The following TUSC3 variants were observed in gnomAD, a reference collection of about 807,000 sequenced individuals.
The protein encoded by TUSC3 is tumor suppressor candidate 3.
Under a neutral mutation model 44.8 loss-of-function variants are expected in TUSC3, and 45 were observed. The ratio of observed to expected loss-of-function variants is 1.00; its 90% confidence interval spans 0.79 to 1.29. The LOEUF (loss-of-function observed/expected upper bound fraction) is 1.29. Ranked by LOEUF, TUSC3 falls within the 50% of genes most tolerant of loss-of-function variation. The pLI, the probability that TUSC3 is intolerant of heterozygous loss-of-function variation, is 0.00. For synonymous variants in TUSC3, 212 were observed against 152.9 expected, an observed-to-expected ratio of 1.39 and a Z score of -2.85; for missense variants, 519 against 437.9, an observed-to-expected ratio of 1.19 and a Z score of -1.65.
At chr8:15,815,259 G>T in the TUSC3 span, among the ~76,000 whole-genome samples, 1 of 152,174 alleles carries the variant, frequency 6.6e-6, no homozygotes, top group Admixed American at 6.5e-5. Context: ...AGATCGAAGG[G>T]AATTCTAATG....
chr8:15,755,088 A>G (rs1368466456), intron 9 of TUSC3, among the ~76,000 whole-genome samples: 2 of 152,058 alleles, frequency 1.3e-5, no homozygotes, highest in Non-Finnish European at 2.9e-5. Flanking sequence ...TTACGTATGA[A>G]TCTGTCTCAT....
intron 6 of TUSC3, among the ~76,000 whole-genome samples, chr8:15,719,249 C>T (rs1360749042): frequency 6.6e-6 from 1 of 152,016 alleles, no homozygotes; most frequent in Non-Finnish European, 1.5e-5. Context: ...ATGTTTCTAT[C>T]TTAAGGCCTT....
chr8:15,440,476 A>G (rs1469090695), intron 1 of TUSC3, among the ~76,000 whole-genome samples: 1 of 152,176 alleles, frequency 6.6e-6, no homozygotes, highest in African/African-American at 2.4e-5. Flanking sequence ...AACAGAACTA[A>G]TTTTTATTGT....
the TUSC3 span, among the ~76,000 whole-genome samples, chr8:15,824,640 G>A: frequency 1.3e-5 from 2 of 152,206 alleles, no homozygotes; most frequent in South Asian, 2.1e-4. Context: ...GATAGCATTA[G>A]GAGATATACC....
At chr8:15,706,276 C>G (rs1218631248) in intron 6 of TUSC3, among the ~76,000 whole-genome samples, 1 of 150,354 alleles carries the variant, frequency 6.7e-6, no homozygotes, top group Non-Finnish European at 1.5e-5. Context: ...AGTGTTAATT[C>G]TTTGTATTTA....
At chr8:15,687,002 G>A (rs1808660724) in intron 6 of TUSC3, among the ~76,000 whole-genome samples, 1 of 152,180 alleles carries the variant, frequency 6.6e-6, no homozygotes, top group African/African-American at 2.4e-5. Flanking sequence ...GAACCCGGGA[G>A]GCGGAGCTTG....
chr8:15,818,648 G>A, the TUSC3 span, among the ~76,000 whole-genome samples: 14 of 152,282 alleles, frequency 9.2e-5, no homozygotes, highest in Non-Finnish European at 1.5e-5. Context: ...TGGTATAAAT[G>A]ACACTATTTC....
At chr8:15,762,554 A>G (rs1196676910) in intron 10 of TUSC3, among the ~76,000 whole-genome samples, 1 of 152,104 alleles carries the variant, frequency 6.6e-6, no homozygotes, top group East Asian at 1.9e-4. Context: ...TACAGGGGTA[A>G]TATCGTTAGC....
chr8:15,440,525 G>T (rs188255382), intron 1 of TUSC3, among the ~76,000 whole-genome samples: 158 of 152,282 alleles, frequency 1.0e-3, no homozygotes, highest in African/African-American at 2.9e-3. Context: ...AGGATGAGTT[G>T]GGAGGGGCCA....
intron 1 of TUSC3, among the ~76,000 whole-genome samples, chr8:15,600,367 A>G (rs1486729355): frequency 6.6e-6 from 1 of 151,790 alleles, no homozygotes; most frequent in Non-Finnish European, 1.5e-5. Flanking sequence ...ATCTAAGGAC[A>G]AACAGGTTTG....
chr8:15,610,118 T>G (rs1804698100), intron 1 of TUSC3, among the ~76,000 whole-genome samples: 1 of 152,218 alleles, frequency 6.6e-6, no homozygotes, highest in Non-Finnish European at 1.5e-5. Context: ...GTATGATGAA[T>G]AAATTATAAT....
intron 1 of TUSC3, among the ~76,000 whole-genome samples, chr8:15,470,231 C>T (rs558751554): frequency 1.3e-5 from 2 of 150,412 alleles, no homozygotes; most frequent in African/African-American, 4.9e-5. Flanking sequence ...TACACTCCAG[C>T]CTGGGCAACA....
chr8:15,596,268 A>T (rs1383974849), intron 1 of TUSC3, among the ~76,000 whole-genome samples: 5 of 152,214 alleles, frequency 3.3e-5, no homozygotes, highest in Non-Finnish European at 7.3e-5. Context: ...AAAGAAAAAT[A>T]TGCCATGTTT....
At chr8:15,768,336 G>C (rs1563214999), downstream of TUSC3, among the ~76,000 whole-genome samples, 1 of 152,068 alleles carries the variant, frequency 6.6e-6, no homozygotes, top group African/African-American at 2.4e-5. Context: ...CTTGGGGAGA[G>C]GGCAGAATCT....
intron 10 of TUSC3, 77 bp downstream of exon 10, chr8:15,757,932 G>A (rs1812000749): frequency 4.7e-6 from 7 of 1,489,068 alleles, no homozygotes; most frequent in Non-Finnish European, 6.5e-6. Context: ...TATCTCATAA[G>A]ACAAGTTGTA....
chr8:15,628,135 A>G (rs1389764162), intron 2 of TUSC3, among the ~76,000 whole-genome samples: 1 of 152,196 alleles, frequency 6.6e-6, no homozygotes, highest in African/African-American at 2.4e-5. Context: ...ATTTTAAGAA[A>G]ATCTTTTTTT....
At chr8:15,755,434 T>C (rs189427208) in intron 9 of TUSC3, among the ~76,000 whole-genome samples, 5 of 152,236 alleles carry the variant, frequency 3.3e-5, no homozygotes, top group Admixed American at 3.3e-4. Context: ...TTCTTTACGC[T>C]AAAGATTAAG....
At chr8:15,609,071 T>G (rs1804652524) in intron 1 of TUSC3, among the ~76,000 whole-genome samples, 1 of 152,168 alleles carries the variant, frequency 6.6e-6, no homozygotes, top group African/African-American at 2.4e-5. Context: ...TCTATTGAAT[T>G]TTTCTTTGTT....
chr8:15,800,791 C>G, the TUSC3 span, among the ~76,000 whole-genome samples: 2 of 152,008 alleles, frequency 1.3e-5, no homozygotes, highest in Non-Finnish European at 2.9e-5. Flanking sequence ...TTTTCAAACA[C>G]AAGAAATATG....
Sources: gnomAD v4.1 joint callset for allele counts (sites outside exome capture counted in the v4.1 genomes callset) on GRCh38, gnomAD v4.1.1 for gene constraint, MANE v1.5 for transcripts, NCBI Gene and HGNC (gene_info 2026-07-23, HGNC 2026-07-21) for gene names.